Variants in CEP43 observed in about 807,000 individuals in gnomAD.
CEP43 encodes the protein centrosomal protein 43.
Under a neutral mutation model 52.6 loss-of-function variants are expected in CEP43, and 36 were observed. The ratio of observed to expected loss-of-function variants is 0.68; its 90% CI spans 0.52 to 0.90. The LOEUF is 0.90. Ranked by LOEUF, CEP43 falls within the 40% of genes least tolerant of loss-of-function variation. The pLI is 0.00. For synonymous variants in CEP43, 192 were observed against 172.4 expected, an observed-to-expected ratio of 1.11 and a Z score of -0.89; for missense variants, 506 against 472.8, an observed-to-expected ratio of 1.07 and a Z score of -0.65.
In CEP43 at chr6:167,046,283, A is replaced by C. The variant is rs191307108; in HGVS notation, c.*6305A>C. 2.6e-5 allele frequency: 4 copies of C among 152,238 alleles called. No individual in the cohort carries two copies. Among genetic ancestry groups the C allele is most frequent in the Admixed American group, 2.6e-4 (4 of 15,278 alleles). The allele number at this position is 152,238 out of a possible 1,614,324, so 9.4% of individuals were successfully genotyped here. A position where few individuals can be genotyped will look rare whatever the true frequency, so the allele number is the denominator to read the frequency against. ...ACTTAACACACATTTCCAAGAAAAT[A>C]TCCATCACACTAGAAAGAAAGAAAG... is the stretch of plus-strand genomic sequence containing the variant. On this transcript the variant is annotated 3_prime_UTR_variant, in exon 13 of 13. Coordinates refer to ENST00000366847, the MANE Select transcript of CEP43 (RefSeq NM_007045.4).
Position 167,048,147 on chromosome 6 carries a change from T to TA in CEP43, c.*8170dup, listed in dbSNP as rs1290824838. The TA allele has an allele frequency of 3.3e-5, 5 of 152,078 alleles. No individual in the cohort carries two copies. Among genetic ancestry groups the TA allele is most frequent in the Admixed American group, 1.3e-4 (2 of 15,250 alleles). 9.4% of individuals were successfully genotyped at this position (152,078 alleles called of 1,614,324 possible). A position where few individuals can be genotyped will look rare whatever the true frequency, so the allele number is the denominator to read the frequency against. ...GGCTCACACCTGTAATCCCAGCACT[T>TA]ACGGAGACCAAGGCGGGCAGATTGC... On this transcript the variant is annotated 3_prime_UTR_variant, in exon 13 of 13. Transcript: ENST00000366847.
intron 2 of CEP43, 86 bp downstream of exon 2, chr6:167,000,199 A>G: frequency 9.9e-7 from 1 of 1,007,604 alleles, no homozygotes; most frequent in Non-Finnish European, 1.5e-6. Flanking sequence ...AATAGTTTAT[A>G]GTAACATATA....
rs374629046 is a variant in CEP43 at position 167,018,049 on chromosome 6, A to G, written c.580-4360A>G. ...CGCGGAGGGCTGTGGCTCCTGTTCT[A>G]GCTTCTGGTGGCTGCTAGACCCAGA... On this transcript the variant is annotated intron_variant, in intron 7 of 12. Transcript: ENST00000366847. Among the ~76,000 whole-genome samples the G allele has an allele frequency of 2.6e-5, 4 of 152,190 alleles. No homozygotes were observed. The East Asian group carries it at 5.8e-4, about 22-fold the overall frequency.
At chr6:167,010,135 T>C (rs1437132498) in intron 5 of CEP43, among the ~76,000 whole-genome samples, 1 of 152,268 alleles carries the variant, frequency 6.6e-6, no homozygotes, top group Non-Finnish European at 1.5e-5. Context: ...ATTTACTATG[T>C]ACAGTGTCCT....
chr6:167,025,042 G>T, intron 9 of CEP43, 148 bp downstream of exon 9: 1 of 598,782 alleles, frequency 1.7e-6, no homozygotes, highest in Non-Finnish European at 3.0e-6. Flanking sequence ...TTAATATTTT[G>T]TTGTGTTTTG....
In CEP43 at chr6:167,050,781, G is replaced by GAAAAAAAAAAAAAAAA. The variant is rs61698763; in HGVS notation, c.*10811_*10826dup. 6.2e-5 allele frequency: 6 copies of GAAAAAAAAAAAAAAAA among 96,402 alleles called. No individual in the cohort carries two copies. The highest frequency in any genetic ancestry group is 5.9e-5 in the Non-Finnish European group (3 of 50,542). The allele number at this position is 96,402 out of a possible 1,614,324, so 6.0% of individuals were successfully genotyped here. A position where few individuals can be genotyped will look rare whatever the true frequency, so the allele number is the denominator to read the frequency against. On this transcript the variant is annotated 3_prime_UTR_variant, in exon 13 of 13. Transcript: ENST00000366847. ...GGGTGACAGAGTGAGACTCAAAAAAGAAAAAAAAAAAAAAAAAAAAAAAGA... is the reference window on the plus strand; with the variant it reads ...GGGTGACAGAGTGAGACTCAAAAAAGAAAAAAAAAAAAAAAAAAAAAAAAAAAAAAAAAAAAAAAGA...
chr6:167,005,191 A>C (rs929975424), intron 5 of CEP43, among the ~76,000 whole-genome samples: 1 of 152,184 alleles, frequency 6.6e-6, no homozygotes, highest in Non-Finnish European at 1.5e-5. Context: ...GATGTTTTCT[A>C]TTAGAATTTT....
intron 7 of CEP43, among the ~76,000 whole-genome samples, chr6:167,016,592 A>G (rs1302001057): frequency 1.3e-5 from 2 of 152,090 alleles, no homozygotes; most frequent in Non-Finnish European, 2.9e-5. Context: ...ACTAACATGT[A>G]TTGAGATGCT....
chr6:167,045,278 A>AT lies in CEP43; in HGVS notation c.*5305dup, dbSNP rs1780775820. 6.7e-6 allele frequency: 1 copy of AT among 150,026 alleles called. No homozygotes were observed. The highest frequency in any genetic ancestry group is 2.4e-5 in the African/African-American group (1 of 40,852). 9.3% of individuals were successfully genotyped at this position (150,026 alleles called of 1,614,324 possible). The stretch of plus-strand genomic sequence containing the variant: ...ACCATGCCCGGCGAATTTTTTTTGT[A>AT]TTTTTAGTAGACACGGGATCTCACC... On this transcript the variant is annotated 3_prime_UTR_variant, in exon 13 of 13. Coordinates refer to ENST00000366847, the MANE Select transcript of CEP43 (RefSeq NM_007045.4).
chr6:167,000,735 A>C (rs144214331), intron 2 of CEP43, among the ~76,000 whole-genome samples: 6 of 152,316 alleles, frequency 3.9e-5, no homozygotes, highest in African/African-American at 1.4e-4. Context: ...AATTTCATCA[A>C]AATCTTCAGT....
Position 167,010,671 on chromosome 6 carries a change from C to T in CEP43, c.439-142C>T, listed in dbSNP as rs76575426. On this transcript the variant is annotated intron_variant, in intron 5 of 12. Coordinates refer to ENST00000366847, the MANE Select transcript of CEP43 (RefSeq NM_007045.4). Reference sequence around the variant, plus strand: ...TGAGGGGGTAAAATTAGAGGAAAATCTAAAAAGGATGGTTACTTTAATAAG... The same window carrying T: ...TGAGGGGGTAAAATTAGAGGAAAATTTAAAAAGGATGGTTACTTTAATAAG... The T allele has an allele frequency of 1.0e-3, 463 of 454,384 alleles. 1 individual carries two copies. The highest frequency in any genetic ancestry group is 1.5e-3 in the Non-Finnish European group (395 of 257,116). 28.1% of individuals were successfully genotyped at this position (454,384 alleles called of 1,614,324 possible).
rs750688106 is a variant in CEP43, at chr6:167,024,887, C to T, written c.912C>T (p.Asp304=). The T allele has an allele frequency of 3.7e-5, 59 of 1,583,136 alleles. No individual in the cohort carries two copies. The highest frequency in any genetic ancestry group is 4.9e-5 in the Non-Finnish European group (56 of 1,154,348). The change falls in exon 9 of 13, where the codon GAC becomes GAT. Residue 304 remains aspartate, a synonymous_variant. Coordinates refer to ENST00000366847, the MANE Select transcript of CEP43 (RefSeq NM_007045.4). ...TGGCGGGAGCCCCTTCTTTAAAAGA[C>T]TCTGAGAGTAAGTGCCCAAAGATGT... The part of the protein sequence containing the change: ...SSLAGAPSLK[D]SESKRGNTVL...
chr6:167,041,844 G>GCCCCC lies in CEP43; in HGVS notation c.*1866_*1867insCCCCC. On this transcript the variant is annotated 3_prime_UTR_variant, in exon 13 of 13. Transcript: ENST00000366847. ...TCTTTTTTTTGCGGGGGGCGGGGGG[G>GCCCCC]ACAGAGTCTCACTGTGTCACTCAGA... 7 of 144,918 alleles carry GCCCCC rather than the reference G, an allele frequency of 4.8e-5. No homozygotes were observed. The highest frequency in any genetic ancestry group is 8.7e-5 in the Non-Finnish European group (7 of 80,388). 9.0% of individuals were successfully genotyped at this position (144,918 alleles called of 1,614,324 possible). A position where few individuals can be genotyped will look rare whatever the true frequency, so the allele number is the denominator to read the frequency against.
intron 7 of CEP43, among the ~76,000 whole-genome samples, chr6:167,015,043 G>C (rs1408908491): frequency 6.6e-6 from 1 of 152,242 alleles, no homozygotes; most frequent in Non-Finnish European, 1.5e-5. Context: ...CCTAAGAGAT[G>C]TGGTTTTCAC....
At chr6:167,018,385 G>C (rs908822693) in intron 7 of CEP43, among the ~76,000 whole-genome samples, 1 of 151,658 alleles carries the variant, frequency 6.6e-6, no homozygotes, top group Non-Finnish European at 1.5e-5. Flanking sequence ...GCCATGGTAT[G>C]TGTGTGTGTG....
chr6:167,015,349 A>G (rs1562526717), intron 7 of CEP43, among the ~76,000 whole-genome samples: 1 of 152,172 alleles, frequency 6.6e-6, no homozygotes, highest in Admixed American at 6.5e-5. Context: ...CCTTACTTAT[A>G]TGGGTAAGCC....
Position 167,048,068 on chromosome 6 carries a change from A to G in CEP43, c.*8090A>G, listed in dbSNP as rs1450345646. On this transcript the variant is annotated 3_prime_UTR_variant, in exon 13 of 13. Transcript: ENST00000366847. ...GATATCTGCATGATAAAGATGAGTG[A>G]TCCAACGTTAGAAATCATCTGGACA... The G allele has an allele frequency of 6.6e-6, 1 of 152,178 alleles. No individual in the cohort carries two copies. The highest frequency in any genetic ancestry group is 6.5e-5 in the Admixed American group (1 of 15,280). 9.4% of individuals were successfully genotyped at this position (152,178 alleles called of 1,614,324 possible).
chr6:167,034,712 G>T (rs1339230394), intron 12 of CEP43, among the ~76,000 whole-genome samples: 1 of 152,214 alleles, frequency 6.6e-6, no homozygotes, highest in Non-Finnish European at 1.5e-5. Context: ...CACAATCTAA[G>T]TCAGCAGCAT....
At chr6:167,000,156 C>G in intron 2 of CEP43, 43 bp downstream of exon 2, 2 of 1,384,836 alleles carry the variant, frequency 1.4e-6, no homozygotes, top group South Asian at 2.4e-5. Context: ...TTCGTTAATA[C>G]TTAATTTCTT....
Sources: gnomAD v4.1 joint callset for allele counts (sites outside exome capture counted in the v4.1 genomes callset) on GRCh38, gnomAD v4.1.1 for gene constraint, MANE v1.5 for transcripts, NCBI Gene and HGNC (gene_info 2026-07-23, HGNC 2026-07-21) for gene names.